HCN1: variants seen among roughly 807,000 people sequenced by gnomAD.
The protein encoded by HCN1 is hyperpolarization activated cyclic nucleotide gated potassium channel 1.
A neutral mutation model predicts 78.9 loss-of-function variants in HCN1; 13 were observed. The observed-to-expected ratio is 0.16, with a 90% CI of 0.11 to 0.26. The LOEUF is 0.26. Among genes scored for constraint, HCN1 ranks in the 10% least tolerant of loss-of-function variants. HCN1 has a pLI of 1.00. For synonymous variants in HCN1, 552 were observed against 455.5 expected (o/e 1.21, Z -2.70); for missense variants, 810 against 1,154.3 (o/e 0.70, Z 4.32).
rs1744704068 is a variant in HCN1 at position 45,260,192 on chromosome 5, T to G, written c.*1729A>C. 6.6e-6 allele frequency: 1 copy of G among 152,234 alleles called. No homozygotes were observed. The highest frequency in any genetic ancestry group is 1.5e-5 in the Non-Finnish European group (1 of 68,042). The allele number at this position is 152,234 out of a possible 1,614,324, so 9.4% of individuals were successfully genotyped here. On this transcript the variant is annotated 3_prime_UTR_variant, in exon 8 of 8. Coordinates refer to ENST00000303230, the MANE Select transcript of HCN1 (RefSeq NM_021072.4). ...GCCCTGTCCCACATAATGTGTGATCTCTGTATGTTCTTAAATGTATTGCCA... is the reference window on the plus strand; with the variant it reads ...GCCCTGTCCCACATAATGTGTGATCGCTGTATGTTCTTAAATGTATTGCCA...
chr5:45,454,125 G>A (rs990735571), intron 3 of HCN1, among the ~76,000 whole-genome samples: 1 of 152,084 alleles, frequency 6.6e-6, no homozygotes, highest in African/African-American at 2.4e-5. Context: ...TCTCGATGAT[G>A]AAATTATAGT....
chr5:45,266,424 A>C (rs1488975195), intron 7 of HCN1, among the ~76,000 whole-genome samples: 1 of 152,186 alleles, frequency 6.6e-6, no homozygotes, highest in East Asian at 1.9e-4. Context: ...ATACAAAAAA[A>C]GTGATAAAAC....
chr5:45,683,820 A>C (rs1441487399), intron 1 of HCN1, among the ~76,000 whole-genome samples: 1 of 151,910 alleles, frequency 6.6e-6, no homozygotes, highest in Non-Finnish European at 1.5e-5. Flanking sequence ...ACAGGCATGC[A>C]TCTCCATGCC....
At chr5:45,316,886 T>G (rs1161235645) in intron 5 of HCN1, among the ~76,000 whole-genome samples, 1 of 152,042 alleles carries the variant, frequency 6.6e-6, no homozygotes, top group East Asian at 1.9e-4. Context: ...CAAGGAGAAT[T>G]AAAAACCACT....
chr5:45,299,799 T>C (rs1745573119), intron 6 of HCN1, among the ~76,000 whole-genome samples: 1 of 152,040 alleles, frequency 6.6e-6, no homozygotes, highest in South Asian at 2.1e-4. Context: ...AAAGTTTTAT[T>C]ATTCTTTCTA....
At chr5:45,695,536 C>A (rs1035726655) in intron 1 of HCN1, 133 bp downstream of exon 1, 3 of 863,590 alleles carry the variant, frequency 3.5e-6, no homozygotes, top group African/African-American at 1.7e-5. Flanking sequence ...CTGCTTAGCC[C>A]GAGCCGACGC....
At chr5:45,361,883 G>A (rs1747118049) in intron 4 of HCN1, among the ~76,000 whole-genome samples, 1 of 151,990 alleles carries the variant, frequency 6.6e-6, no homozygotes, top group South Asian at 2.1e-4. Context: ...TTGAAAAAAA[G>A]TGATGATGAG....
chr5:45,355,318 G>A (rs561978119), intron 4 of HCN1, among the ~76,000 whole-genome samples: 199 of 152,042 alleles, frequency 1.3e-3, no homozygotes, highest in African/African-American at 4.7e-3. Context: ...TTGTATGCCA[G>A]TAGTTCTCAA....
intron 2 of HCN1, among the ~76,000 whole-genome samples, chr5:45,552,748 A>G (rs1014629719): frequency 1.3e-5 from 2 of 151,970 alleles, no homozygotes; most frequent in African/African-American, 4.8e-5. Flanking sequence ...CAGGAGGGTC[A>G]TTACAAATTT....
intron 2 of HCN1, among the ~76,000 whole-genome samples, chr5:45,481,647 T>C (rs1741652938): frequency 6.6e-6 from 1 of 152,168 alleles, no homozygotes; most frequent in Non-Finnish European, 1.5e-5. Flanking sequence ...ACAGATGATC[T>C]AGAGTGAATA....
chr5:45,397,705 G>A (rs949032525), intron 3 of HCN1, among the ~76,000 whole-genome samples: 1 of 151,252 alleles, frequency 6.6e-6, no homozygotes, highest in Non-Finnish European at 1.5e-5. Context: ...AACCTAATGT[G>A]ATAACAGTGA....
chr5:45,545,780 A>G (rs1176157286), intron 2 of HCN1, among the ~76,000 whole-genome samples: 2 of 151,912 alleles, frequency 1.3e-5, no homozygotes, highest in African/African-American at 4.8e-5. Flanking sequence ...ACTCTTCACA[A>G]TATGTGGGAC....
intron 2 of HCN1, among the ~76,000 whole-genome samples, chr5:45,527,332 G>A (rs1439098655): frequency 8.4e-6 from 1 of 119,180 alleles, no homozygotes; most frequent in Admixed American, 8.8e-5. Flanking sequence ...CAGTAATGGT[G>A]GAGATAGGAT....
chr5:45,431,008 T>C (rs1740451511), intron 3 of HCN1, among the ~76,000 whole-genome samples: 1 of 152,192 alleles, frequency 6.6e-6, no homozygotes. Context: ...TTAAGTTCTT[T>C]GAGGAATTGC....
chr5:45,321,906 A>G (rs1242167649), intron 5 of HCN1, among the ~76,000 whole-genome samples: 1 of 151,938 alleles, frequency 6.6e-6, no homozygotes, highest in Non-Finnish European at 1.5e-5. Context: ...TTGCATACAA[A>G]AATAACTTTA....
chr5:45,625,284 C>T (rs192207723), intron 2 of HCN1, among the ~76,000 whole-genome samples: 352 of 151,742 alleles, frequency 2.3e-3, no homozygotes, highest in African/African-American at 8.0e-3. Flanking sequence ...GCCTGGGTGA[C>T]AGAGCAAGAC....
intron 6 of HCN1, among the ~76,000 whole-genome samples, chr5:45,272,852 C>CAAAAT (rs1194854786): frequency 1.3e-5 from 2 of 151,752 alleles, no homozygotes; most frequent in East Asian, 3.9e-4. Context: ...AAGTTAAATA[C>CAAAAT]AAAATAAAAT....
At position 45,645,383 on chromosome 5, in the gene HCN1, A is replaced by G. The variant is rs1379565505; in HGVS notation, c.651T>C (p.Tyr217=). The G allele has an allele frequency of 1.9e-6, 3 of 1,613,674 alleles. No individual in the cohort carries two copies. The highest frequency in any genetic ancestry group is 2.5e-6 in the Non-Finnish European group (3 of 1,179,780). ...ILDPKVIKMN[Y]LKSWFVVDFI... is the part of the protein sequence containing the mutation. Reference sequence around the variant, plus strand: ...AGTCAACCACAAACCAGCTTTTTAAATAATTCATCTTGATCACTTTGGGGT... The same window carrying G: ...AGTCAACCACAAACCAGCTTTTTAAGTAATTCATCTTGATCACTTTGGGGT... Residue 217 remains tyrosine (Y), a synonymous_variant, in exon 2 of 8, where the codon TAT becomes TAC. Transcript: ENST00000303230.
chr5:45,374,885 T>C (rs1747569888), intron 4 of HCN1, among the ~76,000 whole-genome samples: 3 of 144,646 alleles, frequency 2.1e-5, no homozygotes, highest in South Asian at 4.2e-4. Flanking sequence ...TGGGTATATA[T>C]ATAGAGAGAG....
Sources: allele counts gnomAD v4.1 joint callset (sites outside exome capture counted in the v4.1 genomes callset), GRCh38; gene constraint gnomAD v4.1.1; transcripts MANE v1.5; gene names NCBI Gene and HGNC (gene_info 2026-07-23, HGNC 2026-07-21).